Variants in GPC6 observed in about 807,000 individuals in gnomAD.
The protein encoded by GPC6 is glypican 6, also known as glypican-6.
In GPC6, 14 loss-of-function variants were observed where a neutral mutation model predicts 55.2. The observed-to-expected ratio is 0.25, with a 90% CI of 0.17 to 0.40. GPC6 has a LOEUF of 0.40. Ranked by LOEUF, GPC6 falls within the 10% of genes least tolerant of loss-of-function variation. GPC6 has a pLI of 1.00. For synonymous variants in GPC6, 278 were observed against 259.6 expected, an observed-to-expected ratio of 1.07 and a Z score of -0.68; for missense variants, 641 against 708.5, an observed-to-expected ratio of 0.90 and a Z score of 1.08.
intron 1 of GPC6, among the ~76,000 whole-genome samples, chr13:93,295,109 C>CAAAAAGAA (rs1878439839): frequency 3.2e-5 from 2 of 61,808 alleles, no homozygotes; most frequent in Non-Finnish European, 3.1e-5. Context: ...TCTGTCTCTG[C>CAAAAAGAA]AAAAAAAAAA....
intron 2 of GPC6, among the ~76,000 whole-genome samples, chr13:93,727,007 TC>T (rs1357068981): frequency 6.6e-6 from 1 of 152,114 alleles, no homozygotes; most frequent in East Asian, 1.9e-4. Flanking sequence ...TAAATAGGGC[TC>T]CATTTACTCA....
chr13:93,247,711 C>A (rs1594051193), intron 1 of GPC6, among the ~76,000 whole-genome samples: 2 of 152,112 alleles, frequency 1.3e-5, no homozygotes, highest in Admixed American at 6.6e-5. Flanking sequence ...TTACAAATGG[C>A]AAATCATATG....
intron 6 of GPC6, among the ~76,000 whole-genome samples, chr13:94,366,550 T>C (rs1316113694): frequency 6.6e-6 from 1 of 152,226 alleles, no homozygotes; most frequent in Admixed American, 6.5e-5. Flanking sequence ...ATATAACTGC[T>C]AGAAATACTG....
chr13:93,802,605 A>G (rs1886410169), intron 2 of GPC6, among the ~76,000 whole-genome samples: 1 of 152,020 alleles, frequency 6.6e-6, no homozygotes, highest in Admixed American at 6.6e-5. Context: ...GGGTCTCACT[A>G]CATTGCCCAA....
At chr13:93,304,184 C>A (rs539705774) in intron 1 of GPC6, among the ~76,000 whole-genome samples, 47 of 152,156 alleles carry the variant, frequency 3.1e-4, no homozygotes, top group Non-Finnish European at 5.1e-4. Flanking sequence ...TATTTAATAT[C>A]ATTGAAAGAC....
intron 2 of GPC6, among the ~76,000 whole-genome samples, chr13:93,659,771 G>A (rs1445440833): frequency 6.6e-6 from 1 of 151,974 alleles, no homozygotes; most frequent in East Asian, 1.9e-4. Flanking sequence ...TATTAACAAA[G>A]TGATAATTTT....
In GPC6 at chr13:93,676,152, T is replaced by A. The variant is rs1221498926; in HGVS notation, c.319+130731T>A. On this transcript the variant is annotated intron_variant, in intron 2 of 8. Coordinates refer to ENST00000377047, the MANE Select transcript of GPC6 (RefSeq NM_005708.5). ...ATATATATATATATATATATATATATATATATATATATATATACATACACA... is the reference window on the plus strand; with the variant it reads ...ATATATATATATATATATATATATAAATATATATATATATATACATACACA... Among the ~76,000 whole-genome samples, 140 of 17,198 alleles carry A rather than the reference T, an allele frequency of 8.1e-3. 5 individuals carry two copies. The highest frequency in any genetic ancestry group is 0.045 in the Non-Finnish European group (114 of 2,510). The allele number at this position is 17,198 out of a possible 152,430, so 11.3% of individuals were successfully genotyped here.
intron 1 of GPC6, among the ~76,000 whole-genome samples, chr13:93,261,281 G>C (rs964601349): frequency 6.6e-6 from 1 of 151,946 alleles, no homozygotes; most frequent in East Asian, 1.9e-4. Context: ...GGAAACATTG[G>C]GATTTTTAAA....
At chr13:93,430,857 T>C (rs1003813516) in intron 1 of GPC6, among the ~76,000 whole-genome samples, 4 of 152,254 alleles carry the variant, frequency 2.6e-5, no homozygotes, top group Admixed American at 2.0e-4. Context: ...CTTCATGAAA[T>C]GATATTGACA....
chr13:94,371,405 C>G (rs940356270), intron 6 of GPC6, among the ~76,000 whole-genome samples: 1 of 152,066 alleles, frequency 6.6e-6, no homozygotes, highest in Non-Finnish European at 1.5e-5. Flanking sequence ...CATAGTAAGC[C>G]TAGTGGTTAA....
At chr13:93,351,014 C>T (rs1344610169) in intron 1 of GPC6, among the ~76,000 whole-genome samples, 2 of 152,074 alleles carry the variant, frequency 1.3e-5, no homozygotes, top group African/African-American at 4.8e-5. Context: ...GAATCAGGAA[C>T]TTCTTTTTTA....
At chr13:93,328,818 T>C (rs998751647) in intron 1 of GPC6, among the ~76,000 whole-genome samples, 1 of 152,134 alleles carries the variant, frequency 6.6e-6, no homozygotes, top group African/African-American at 2.4e-5. Context: ...GAATTAGTAT[T>C]ATAGAAGGAC....
chr13:94,199,190 C>A (rs1017108812), intron 4 of GPC6, among the ~76,000 whole-genome samples: 2 of 152,204 alleles, frequency 1.3e-5, no homozygotes, highest in Non-Finnish European at 2.9e-5. Flanking sequence ...GGCCTAATAT[C>A]CTAGCTAAAA....
chr13:93,270,407 G>A (rs1877479347), intron 1 of GPC6, among the ~76,000 whole-genome samples: 1 of 151,850 alleles, frequency 6.6e-6, no homozygotes, highest in Non-Finnish European at 1.5e-5. Context: ...TTATAGATAT[G>A]TAGATAATAT....
intron 1 of GPC6, among the ~76,000 whole-genome samples, chr13:93,376,201 G>T (rs915685732): frequency 6.6e-6 from 1 of 152,166 alleles, no homozygotes; most frequent in African/African-American, 2.4e-5. Context: ...TGGAATATCA[G>T]TCTGTATCTT....
At chr13:94,216,260 A>G (rs1471026176) in intron 4 of GPC6, among the ~76,000 whole-genome samples, 2 of 152,186 alleles carry the variant, frequency 1.3e-5, no homozygotes, top group African/African-American at 4.8e-5. Flanking sequence ...CCACTGTGAC[A>G]TGGTTATTAT....
intron 4 of GPC6, among the ~76,000 whole-genome samples, chr13:94,193,618 G>T (rs567503873): frequency 6.6e-6 from 1 of 152,168 alleles, no homozygotes; most frequent in Non-Finnish European, 1.5e-5. Flanking sequence ...TGCCAGAAGG[G>T]TTCGCAGTGT....
chr13:94,288,933 A>ATATATTT (rs1491131003), intron 5 of GPC6, among the ~76,000 whole-genome samples: 1 of 112,530 alleles, frequency 8.9e-6, no homozygotes, highest in Non-Finnish European at 1.7e-5. Context: ...TAACAAATAT[A>ATATATTT]GATAGATAGA....
At chr13:93,843,582 CAT>C (rs1220507821) in intron 3 of GPC6, among the ~76,000 whole-genome samples, 3 of 152,074 alleles carry the variant, frequency 2.0e-5, no homozygotes, top group Admixed American at 6.6e-5. Context: ...TATAAAAAAA[CAT>C]AATTTATTTG....
Sources: allele counts gnomAD v4.1 joint callset (sites outside exome capture counted in the v4.1 genomes callset), GRCh38; gene constraint gnomAD v4.1.1; transcripts MANE v1.5; gene names NCBI Gene and HGNC (gene_info 2026-07-23, HGNC 2026-07-21).